RIF1: variants seen among roughly 807,000 people sequenced by gnomAD.
RIF1 encodes telomere-associated protein RIF1.
In RIF1, 45 loss-of-function variants were observed where a neutral mutation model predicts 247.1. That is an observed-to-expected ratio of 0.18 (90% confidence interval 0.14 to 0.23). The LOEUF is 0.23. Among genes scored for constraint, RIF1 ranks in the 10% least tolerant of loss-of-function variants. The probability of loss-of-function intolerance (pLI) is 1.00; values close to 1 mark genes in which losing one functional copy is unlikely to be tolerated. For missense variants in RIF1, 2,967 were observed against 2,862.5 expected (o/e 1.04, Z -0.83); for synonymous variants, 1,087 against 978.8 (o/e 1.11, Z -2.06).
the RIF1 span, among the ~76,000 whole-genome samples, chr2:151,522,736 C>T: frequency 1.3e-5 from 2 of 152,180 alleles, no homozygotes; most frequent in Non-Finnish European, 2.9e-5. Context: ...GTCTTTCTTA[C>T]ATCACTGATG....
In RIF1 at chr2:151,464,343, C is replaced by G. The variant is rs749233800; in HGVS notation, c.4823C>G (p.Ser1608Cys). ...ENQSHDYKATSEEDVSIKSPI... is the reference protein window; with the variant it reads ...ENQSHDYKATCEEDVSIKSPI... ...CAGTCACATGATTATAAAGCAACTT[C>G]TGAAGAAGATGTAAGCATAAAATCT... The change falls in exon 30 of 36, where the codon TCT becomes TGT. Residue 1608 changes from serine (S) to cysteine (C), a missense_variant. By Grantham distance (112) the Ser-to-Cys change is moderately radical. Coordinates refer to ENST00000444746, the MANE Select transcript of RIF1 (RefSeq NM_018151.5). 6.2e-7 allele frequency: 1 copy of G among 1,610,456 alleles called. No homozygotes were observed. Among genetic ancestry groups the G allele is most frequent in the African/African-American group, 1.3e-5 (1 of 74,608 alleles).
At chr2:151,513,055 G>A in the RIF1 span, among the ~76,000 whole-genome samples, 1 of 152,170 alleles carries the variant, frequency 6.6e-6, no homozygotes, top group Admixed American at 6.5e-5. Context: ...AGATTTAGTT[G>A]GATGCAGGAT....
chr2:151,513,509 A>G, the RIF1 span: 1 of 1,098,172 alleles, frequency 9.1e-7, no homozygotes, highest in East Asian at 2.6e-5. Flanking sequence ...ATCAGATGAC[A>G]GAGGGACACT....
chr2:151,452,421 A>T lies in RIF1; in HGVS notation c.2344+716A>T, dbSNP rs973735543. Among the ~76,000 whole-genome samples, 6 of 152,338 alleles carry T rather than the reference A, an allele frequency of 3.9e-5. No homozygotes were observed. In the South Asian group the frequency reaches 1.2e-3, roughly 32 times the overall value. ...AAAATGTTAGTTGATGTTGAGATAT[A>T]TTATTCTTGTTTAAAGATTAGGGAC... On this transcript the variant is annotated intron_variant, in intron 21 of 35. Transcript: ENST00000444746.
chr2:151,440,071 T>C lies in RIF1; in HGVS notation c.1591T>C (p.Leu531=), dbSNP rs978280071. 2.5e-6 allele frequency: 4 copies of C among 1,602,218 alleles called. No individual in the cohort carries two copies. The Admixed American group carries it at 5.2e-5, about 21-fold the overall frequency. The change falls in exon 15 of 36, where the codon TTA becomes CTA. Residue 531 remains leucine (L), a synonymous_variant. Coordinates refer to ENST00000444746, the MANE Select transcript of RIF1 (RefSeq NM_018151.5). ...AGGTTCTGAAGTTTTGACTCTCTTA[T>C]TAAAGTCTTTGGAAAGCATAGTAAA... is the stretch of plus-strand genomic sequence containing the variant. ...KPGSEVLTLL[L]KSLESIVKSE...
At chr2:151,513,706 T>TA in the RIF1 span, 4 of 1,535,742 alleles carry the variant, frequency 2.6e-6, no homozygotes, top group Admixed American at 3.9e-5. Context: ...ATAGTAGCAT[T>TA]AAAAGAAAAA....
At chr2:151,433,674 C>T (rs764101670) in intron 10 of RIF1, among the ~76,000 whole-genome samples, 2 of 151,872 alleles carry the variant, frequency 1.3e-5, no homozygotes, top group African/African-American at 4.8e-5. Flanking sequence ...AGGCTGGTCT[C>T]GCACTCCTGG....
the RIF1 span, chr2:151,518,474 T>C: frequency 9.1e-6 from 10 of 1,103,818 alleles, no homozygotes; most frequent in African/African-American, 1.6e-4. Context: ...TGCTCAGCAT[T>C]CCTATTTTTC....
chr2:151,485,935 T>C, downstream of RIF1: 1 of 1,613,524 alleles, frequency 6.2e-7, no homozygotes, highest in Non-Finnish European at 8.5e-7. Context: ...GAAGATTTTC[T>C]ATTCGTGGGG....
chr2:151,529,096 G>C, the RIF1 span: 3 of 739,318 alleles, frequency 4.1e-6, no homozygotes, highest in South Asian at 4.7e-5. Context: ...CCTGACTCTT[G>C]CTTTGGAATC....
At chr2:151,445,536 G>C (rs1558981713) in intron 19 of RIF1, 91 bp downstream of exon 19, 2 of 762,058 alleles carry the variant, frequency 2.6e-6, no homozygotes, top group Non-Finnish European at 4.5e-6. Context: ...ACAATGATTT[G>C]TTTTTCTTTT....
At position 151,463,795 on chromosome 2, in the gene RIF1, A is replaced by G. The variant is rs755994929; in HGVS notation, c.4275A>G (p.Val1425=). ...CTTCAAGGCGACGTTCAGAAGTAGT[A>G]GAGTCTACCACTGAAAGCCAAGATA... ...RRSSRRRSEV[V]ESTTESQDKE... Residue 1425 remains valine, a synonymous_variant, in exon 30 of 36, where the codon GTA becomes GTG. Transcript: ENST00000444746. 18 of 1,613,598 alleles carry G rather than the reference A, an allele frequency of 1.1e-5. 1 individual carries two copies. The Admixed American group carries it at 1.7e-4, about 15-fold the overall frequency.
chr2:151,507,651 G>GT (rs2070367912), intron 13 of RIF1: 3 of 226,042 alleles, frequency 1.3e-5, no homozygotes, highest in South Asian at 1.9e-4. Context: ...ATATTTCCCT[G>GT]TTTCTTTGGG....
At chr2:151,429,110 A>C (rs991138326) in intron 9 of RIF1, among the ~76,000 whole-genome samples, 188 bp downstream of exon 9, 1 of 152,254 alleles carries the variant, frequency 6.6e-6, no homozygotes, top group Non-Finnish European at 1.5e-5. Flanking sequence ...TGGAAATCAC[A>C]AATATGAAAT....
At chr2:151,436,188 T>C (rs896550501) in intron 11 of RIF1, among the ~76,000 whole-genome samples, 11 of 152,026 alleles carry the variant, frequency 7.2e-5, no homozygotes, top group African/African-American at 2.7e-4. Context: ...ATCTCGCCAC[T>C]GCACTCCAGC....
chr2:151,527,668 C>G, the RIF1 span: 1 of 893,192 alleles, frequency 1.1e-6, no homozygotes, highest in Non-Finnish European at 1.8e-6. Context: ...GGGGCTCTTG[C>G]ATTTCAAAAC....
At chr2:151,411,483 AC>A (rs1686216897) in intron 3 of RIF1, 145 bp downstream of exon 3, 2 of 532,836 alleles carry the variant, frequency 3.8e-6, no homozygotes, top group East Asian at 6.4e-5. Context: ...GCTCACTGAA[AC>A]CTCCGCCTCT....
chr2:151,523,138 GTTC>G, the RIF1 span, among the ~76,000 whole-genome samples: 1 of 151,974 alleles, frequency 6.6e-6, no homozygotes, highest in South Asian at 2.1e-4. Flanking sequence ...GCATTAATAA[GTTC>G]TTGTTACATC....
chr2:151,421,975 GC>G (rs1688252372), intron 7 of RIF1, among the ~76,000 whole-genome samples: 1 of 151,802 alleles, frequency 6.6e-6, no homozygotes, highest in Non-Finnish European at 1.5e-5. Context: ...GGGATTACAG[GC>G]ACCTGCAACC....
Sources: allele counts gnomAD v4.1 joint callset (sites outside exome capture counted in the v4.1 genomes callset), GRCh38; gene constraint gnomAD v4.1.1; transcripts MANE v1.5; gene names NCBI Gene and HGNC (gene_info 2026-07-23, HGNC 2026-07-21).